IFFO2: variants seen among roughly 807,000 people sequenced by gnomAD.
IFFO2 encodes intermediate filament family orphan 2.
A neutral mutation model predicts 53.5 loss-of-function variants in IFFO2; 19 were observed. The observed-to-expected ratio is 0.36, with a 90% CI of 0.25 to 0.52. IFFO2 has a LOEUF of 0.52. Ranked by LOEUF, IFFO2 falls within the 20% of genes least tolerant of loss-of-function variation. IFFO2 has a pLI of 0.94. For synonymous variants in IFFO2, 303 were observed against 313.6 expected (o/e 0.97, Z 0.36); for missense variants, 570 against 727.4 (o/e 0.78, Z 2.49).
intron 1 of IFFO2, among the ~76,000 whole-genome samples, chr1:18,955,096 C>G (rs1178240765): frequency 6.6e-6 from 1 of 152,176 alleles, no homozygotes; most frequent in African/African-American, 2.4e-5. Flanking sequence ...TTTTCAAAAA[C>G]GTGATCTCAT....
intron 1 of IFFO2, among the ~76,000 whole-genome samples, chr1:18,934,647 C>T (rs914344898): frequency 1.3e-5 from 2 of 152,128 alleles, no homozygotes; most frequent in African/African-American, 4.8e-5. Context: ...CAAATGAATC[C>T]CCCTCCCTGA....
chr1:18,937,047 G>T (rs567357337), intron 1 of IFFO2, among the ~76,000 whole-genome samples: 20 of 152,314 alleles, frequency 1.3e-4, no homozygotes, highest in Admixed American at 3.3e-4. Flanking sequence ...AAGCTCAGAG[G>T]TGGGAGGTGA....
At chr1:18,951,446 G>C (rs932702188) in intron 1 of IFFO2, among the ~76,000 whole-genome samples, 1 of 152,194 alleles carries the variant, frequency 6.6e-6, no homozygotes, top group Non-Finnish European at 1.5e-5. Context: ...TCAGCCACTC[G>C]CACGGGAGGG....
At chr1:18,950,263 C>T (rs1936643811) in intron 1 of IFFO2, among the ~76,000 whole-genome samples, 1 of 152,160 alleles carries the variant, frequency 6.6e-6, no homozygotes, top group Non-Finnish European at 1.5e-5. Flanking sequence ...ACAGAGAGAG[C>T]GGCGACATGC....
chr1:18,912,131 A>G, intron 5 of IFFO2, 48 bp from the exon 6 acceptor site: 2 of 1,549,872 alleles, frequency 1.3e-6, no homozygotes, highest in Non-Finnish European at 1.7e-6. Flanking sequence ...GGCAGGCTCC[A>G]GGGACCCATA....
rs1457339459 is a variant in IFFO2, at chr1:18,919,476, G to C, written c.822+202C>G. ...AGATTAATGCATCTCTACTCAGACC[G>C]AGGGAAGCAGAAGTGGGGAGGGGGC... On this transcript the variant is annotated intron_variant, in intron 3 of 8. Coordinates refer to ENST00000455833, the MANE Select transcript of IFFO2 (RefSeq NM_001136265.2). This position sits in a 1 kb window ranked among gnomAD's most constrained non-coding sequence, Gnocchi z 4.9. 6.6e-6 allele frequency among the ~76,000 whole-genome samples: 1 copy of C among 151,644 alleles called. No homozygotes were observed. Among genetic ancestry groups the C allele is most frequent in the Non-Finnish European group, 1.5e-5 (1 of 67,864 alleles).
At position 18,956,137 on chromosome 1, in the gene IFFO2, A is replaced by G; in HGVS notation, c.196T>C (p.Cys66Arg). The change falls in exon 1 of 9, where the codon TGC (cysteine) becomes CGC (arginine). Residue 66 changes from cysteine to arginine, a missense_variant. Coordinates refer to ENST00000455833, the MANE Select transcript of IFFO2 (RefSeq NM_001136265.2). The surrounding 1 kb of genome is among the most constrained non-coding windows in gnomAD (Gnocchi z 6.4). ...AGCTCGTGCACCTTAGCCAGGAAGCAGCGGAAGCGCACGTTGAGCCCCTTC... is the reference window on the plus strand; with the variant it reads ...AGCTCGTGCACCTTAGCCAGGAAGCGGCGGAAGCGCACGTTGAGCCCCTTC... ...LLKGLNVRFR[C>R]FLAKVHELER... 6.6e-7 allele frequency: 1 copy of G among 1,505,636 alleles called. No individual in the cohort carries two copies. Among genetic ancestry groups the G allele is most frequent in the Non-Finnish European group, 8.9e-7 (1 of 1,119,776 alleles). 93.3% of individuals were successfully genotyped at this position (1,505,636 alleles called of 1,614,324 possible). A position where few individuals can be genotyped will look rare whatever the true frequency, so the allele number is the denominator to read the frequency against.
In IFFO2 at chr1:18,921,103, G is replaced by T. The variant is rs1021005745; in HGVS notation, c.684C>A (p.Ala228=). 8 of 1,551,822 alleles carry T rather than the reference G, an allele frequency of 5.2e-6. No homozygotes were observed. Among genetic ancestry groups the T allele is most frequent in the Non-Finnish European group, 7.0e-6 (8 of 1,147,054 alleles). Residue 228 remains alanine (A), a synonymous_variant, in exon 2 of 9, where the codon GCC becomes GCA. Coordinates refer to ENST00000455833, the MANE Select transcript of IFFO2 (RefSeq NM_001136265.2). The stretch of plus-strand genomic sequence containing the variant: ...CCATGGTCTGAAGGTTCATGCGCTT[G>T]GCGAGCTCCTCCTCCCACCTGCAAA... ...EYKRRWEEEL[A]KRMNLQTMVD... is the part of the protein sequence containing the mutation.
At chr1:18,952,911 C>T (rs1343673447) in intron 1 of IFFO2, among the ~76,000 whole-genome samples, 1 of 152,206 alleles carries the variant, frequency 6.6e-6, no homozygotes, top group East Asian at 1.9e-4. Context: ...GGCGGTAGTA[C>T]ATGGATGTGG....
Position 18,947,208 on chromosome 1 carries a change from C to T in IFFO2, c.665+8460G>A, listed in dbSNP as rs1936601878. Among the ~76,000 whole-genome samples the T allele has an allele frequency of 6.6e-6, 1 of 152,244 alleles. No homozygotes were observed. The highest frequency in any genetic ancestry group is 6.5e-5 in the Admixed American group (1 of 15,286). ...CTGTTCCCTGGCAAAGTTCACAGCA[C>T]TGACTGAAAGCAAAAGCTAGGGATA... On this transcript the variant is annotated intron_variant, in intron 1 of 8. Coordinates refer to ENST00000455833, the MANE Select transcript of IFFO2 (RefSeq NM_001136265.2). This position sits in a 1 kb window ranked among gnomAD's most constrained non-coding sequence, Gnocchi z 5.0.
At chr1:18,929,718 C>A (rs939750916) in intron 1 of IFFO2, among the ~76,000 whole-genome samples, 1 of 152,216 alleles carries the variant, frequency 6.6e-6, no homozygotes, top group Non-Finnish European at 1.5e-5. Context: ...TCCGGCCCCC[C>A]AGCCACACAC....
chr1:18,913,778 G>A (rs959023915), intron 5 of IFFO2, among the ~76,000 whole-genome samples: 6 of 152,126 alleles, frequency 3.9e-5, no homozygotes, highest in East Asian at 3.9e-4. Flanking sequence ...TGGGGGTGGG[G>A]GGTGATCAAA....
In IFFO2 at chr1:18,919,542, G is replaced by C. The variant is rs543662934; in HGVS notation, c.822+136C>G. The C allele has an allele frequency of 4.5e-6, 3 of 667,638 alleles. No individual in the cohort carries two copies. Among genetic ancestry groups the C allele is most frequent in the Admixed American group, 2.2e-5 (1 of 44,516 alleles). The allele number at this position is 667,638 out of a possible 1,614,324, so 41.4% of individuals were successfully genotyped here. ...GGTCTCCGATGCATCCAATGCATCC[G>C]TCATCCTCATGGTCAAACACAGCCA... is the stretch of plus-strand genomic sequence containing the variant. On this transcript the variant is annotated intron_variant, in intron 3 of 8. Transcript: ENST00000455833. The surrounding 1 kb of genome is among the most constrained non-coding windows in gnomAD (Gnocchi z 4.9).
chr1:18,912,926 G>A (rs1936062586), intron 5 of IFFO2, among the ~76,000 whole-genome samples: 1 of 152,210 alleles, frequency 6.6e-6, no homozygotes, highest in Non-Finnish European at 1.5e-5. Context: ...AGATGCCTTG[G>A]TTACCCCAAC....
At chr1:18,926,963 A>G (rs1322941734) in intron 1 of IFFO2, among the ~76,000 whole-genome samples, 1 of 152,142 alleles carries the variant, frequency 6.6e-6, no homozygotes, top group African/African-American at 2.4e-5. Flanking sequence ...TCCTGGAGTG[A>G]GCATCCCAAG....
At chr1:18,909,506 G>A (rs1436209850) in intron 8 of IFFO2, among the ~76,000 whole-genome samples, 1 of 152,152 alleles carries the variant, frequency 6.6e-6, no homozygotes, top group Non-Finnish European at 1.5e-5. Flanking sequence ...ATCCCCACGT[G>A]TCATGAGAGG....
chr1:18,947,884 C>T lies in IFFO2; in HGVS notation c.665+7784G>A, dbSNP rs567829740. Among the ~76,000 whole-genome samples the T allele has an allele frequency of 6.6e-6, 1 of 152,384 alleles. No individual in the cohort carries two copies. Among genetic ancestry groups the T allele is most frequent in the South Asian group, 2.1e-4 (1 of 4,826 alleles). On this transcript the variant is annotated intron_variant, in intron 1 of 8. Transcript: ENST00000455833. This position sits in a 1 kb window ranked among gnomAD's most constrained non-coding sequence, Gnocchi z 5.0. Reference sequence around the variant, plus strand: ...TGACAGGTGCTGGGGAGACCCCGTGCCTCCTGCCTGCCTCCTCACCCTGAG... The same window carrying T: ...TGACAGGTGCTGGGGAGACCCCGTGTCTCCTGCCTGCCTCCTCACCCTGAG...
At chr1:18,940,503 T>C (rs1455226894) in intron 1 of IFFO2, among the ~76,000 whole-genome samples, 2 of 151,864 alleles carry the variant, frequency 1.3e-5, no homozygotes, top group African/African-American at 4.8e-5. Flanking sequence ...AGCCCAAGCA[T>C]AGGGACTGAG....
At chr1:18,929,371 G>A (rs1394028071) in intron 1 of IFFO2, among the ~76,000 whole-genome samples, 1 of 152,186 alleles carries the variant, frequency 6.6e-6, no homozygotes, top group Non-Finnish European at 1.5e-5. Flanking sequence ...CAAATGGGTG[G>A]GTGAAAGTCT....
Sources: allele counts gnomAD v4.1 joint callset (sites outside exome capture counted in the v4.1 genomes callset), GRCh38; gene constraint gnomAD v4.1.1; non-coding constraint Gnocchi (gnomAD v3.1); transcripts MANE v1.5; gene names NCBI Gene and HGNC (gene_info 2026-07-23, HGNC 2026-07-21).